SLC10A7: variants seen among roughly 807,000 people sequenced by gnomAD.
The protein encoded by SLC10A7 is sodium/bile acid cotransporter 7.
SLC10A7 carries 29 observed loss-of-function variants against 43.2 expected under a neutral mutation model. That is an observed-to-expected ratio of 0.67 (90% confidence interval 0.50 to 0.92). SLC10A7 has a LOEUF of 0.92. Ranked by LOEUF, SLC10A7 falls within the 40% of genes least tolerant of loss-of-function variation. The pLI, the probability that SLC10A7 is intolerant of heterozygous loss-of-function variation, is 0.00. For missense variants in SLC10A7, 295 were observed against 403.2 expected, an observed-to-expected ratio of 0.73 and a Z score of 2.30; for synonymous variants, 152 against 144.8, an observed-to-expected ratio of 1.05 and a Z score of -0.35.
intron 5 of SLC10A7, among the ~76,000 whole-genome samples, chr4:146,439,979 T>A (rs1475391917): frequency 6.6e-6 from 1 of 152,196 alleles, no homozygotes; most frequent in East Asian, 1.9e-4. Context: ...CAAGCACCAA[T>A]TTCTCCCTGA....
intron 5 of SLC10A7, among the ~76,000 whole-genome samples, chr4:146,402,539 C>T (rs1171093932): frequency 6.6e-6 from 1 of 152,098 alleles, no homozygotes; most frequent in African/African-American, 2.4e-5. Flanking sequence ...CAGCCCTGAC[C>T]CCACAGGCCA....
chr4:146,418,251 T>C (rs1728715313), intron 5 of SLC10A7, among the ~76,000 whole-genome samples: 1 of 152,168 alleles, frequency 6.6e-6, no homozygotes, highest in African/African-American at 2.4e-5. Context: ...ATGGATTCCA[T>C]TGCTAATAAT....
chr4:146,272,359 C>A (rs1229144580), intron 10 of SLC10A7, among the ~76,000 whole-genome samples: 2 of 152,052 alleles, frequency 1.3e-5, no homozygotes, highest in Non-Finnish European at 2.9e-5. Flanking sequence ...TCTCCTCCTG[C>A]CCCTAGGGTA....
chr4:146,342,682 A>C (rs1251847199), intron 5 of SLC10A7, among the ~76,000 whole-genome samples: 4 of 151,788 alleles, frequency 2.6e-5, no homozygotes, highest in Non-Finnish European at 1.5e-5. Flanking sequence ...TATTTATAAT[A>C]CTACTTAAAC....
At chr4:146,270,827 T>C (rs910481677) in intron 10 of SLC10A7, among the ~76,000 whole-genome samples, 3 of 152,212 alleles carry the variant, frequency 2.0e-5, no homozygotes, top group African/African-American at 4.8e-5. Context: ...AAAGATTACA[T>C]GCATTAATAA....
intron 5 of SLC10A7, among the ~76,000 whole-genome samples, chr4:146,413,537 G>A (rs985480949): frequency 3.3e-5 from 5 of 151,942 alleles, no homozygotes; most frequent in African/African-American, 1.2e-4. Flanking sequence ...TTCACTACAG[G>A]TTCTTATTCC....
At chr4:146,512,653 T>C (rs777968456) in intron 2 of SLC10A7, among the ~76,000 whole-genome samples, 31 of 152,198 alleles carry the variant, frequency 2.0e-4, no homozygotes, top group Non-Finnish European at 4.3e-4. Flanking sequence ...ACTCATTCCT[T>C]CATTTAAGTA....
intron 4 of SLC10A7, among the ~76,000 whole-genome samples, chr4:146,502,887 A>G (rs916537345): frequency 1.3e-5 from 2 of 152,208 alleles, no homozygotes; most frequent in East Asian, 1.9e-4. Context: ...GGCAGATGGA[A>G]GGAATGTCAA....
chr4:146,451,060 G>A (rs1731539444), intron 4 of SLC10A7, among the ~76,000 whole-genome samples: 1 of 151,136 alleles, frequency 6.6e-6, no homozygotes, highest in Non-Finnish European at 1.5e-5. Context: ...AGATGTGGAA[G>A]GCAAAACTTT....
intron 5 of SLC10A7, among the ~76,000 whole-genome samples, chr4:146,347,250 CATA>C (rs1734690152): frequency 6.6e-6 from 1 of 152,068 alleles, no homozygotes; most frequent in Non-Finnish European, 1.5e-5. Flanking sequence ...GTGAATGGGA[CATA>C]ATAAACACCA....
intron 5 of SLC10A7, among the ~76,000 whole-genome samples, chr4:146,404,340 C>T (rs1025460729): frequency 6.6e-6 from 1 of 152,042 alleles, no homozygotes; most frequent in African/African-American, 2.4e-5. Flanking sequence ...ATCTGTATGT[C>T]TTTCCATTCT....
intron 5 of SLC10A7, among the ~76,000 whole-genome samples, chr4:146,410,740 GT>G (rs1728129362): frequency 1.3e-5 from 2 of 152,060 alleles, no homozygotes; most frequent in African/African-American, 4.8e-5. Context: ...TGTACATTGA[GT>G]CAAAATTTCA....
intron 6 of SLC10A7, among the ~76,000 whole-genome samples, chr4:146,306,586 C>G (rs1359826194): frequency 6.6e-6 from 1 of 152,108 alleles, no homozygotes; most frequent in African/African-American, 2.4e-5. Context: ...CGCTTTAACA[C>G]TGTTCATAAT....
chr4:146,340,482 A>T (rs1164653957), intron 5 of SLC10A7, among the ~76,000 whole-genome samples: 2 of 151,504 alleles, frequency 1.3e-5, no homozygotes, highest in Non-Finnish European at 2.9e-5. Context: ...CAAAAAACAA[A>T]ATATATATAT....
At chr4:146,259,550 G>A (rs776618923) in intron 10 of SLC10A7, among the ~76,000 whole-genome samples, 1 of 152,180 alleles carries the variant, frequency 6.6e-6, no homozygotes, top group Non-Finnish European at 1.5e-5. Flanking sequence ...GCAGTGAGCT[G>A]AGATTGCATC....
At chr4:146,494,542 G>A (rs185675881) in intron 4 of SLC10A7, among the ~76,000 whole-genome samples, 337 of 152,290 alleles carry the variant, frequency 2.2e-3, no homozygotes, top group Admixed American at 4.2e-3. Flanking sequence ...AGACACCATA[G>A]GGATGGAAAA....
At chr4:146,279,992 G>A (rs1005989993) in intron 10 of SLC10A7, among the ~76,000 whole-genome samples, 2 of 152,046 alleles carry the variant, frequency 1.3e-5, no homozygotes, top group Non-Finnish European at 2.9e-5. Flanking sequence ...AAAATAAATC[G>A]AAGGTGTATA....
intron 3 of SLC10A7, 25 bp downstream of exon 3, chr4:146,509,888 C>T (rs548917171): frequency 1.3e-5 from 21 of 1,596,456 alleles, no homozygotes; most frequent in Non-Finnish European, 1.5e-5. Context: ...TAAAAGTGGA[C>T]CCACTTTTAA....
chr4:146,287,781 A>G (rs1326189301), intron 9 of SLC10A7, among the ~76,000 whole-genome samples: 1 of 152,090 alleles, frequency 6.6e-6, no homozygotes, highest in African/African-American at 2.4e-5. Flanking sequence ...GCCCTTGTTT[A>G]TATCAGCCAT....
Sources: allele counts gnomAD v4.1 joint callset (sites outside exome capture counted in the v4.1 genomes callset), GRCh38; gene constraint gnomAD v4.1.1; transcripts MANE v1.5; gene names NCBI Gene and HGNC (gene_info 2026-07-23, HGNC 2026-07-21).